PARD3B: variants seen among roughly 807,000 people sequenced by gnomAD.
The protein encoded by PARD3B is par-3 family cell polarity regulator beta, also known as partitioning defective 3 homolog B.
Under a neutral mutation model 130.2 loss-of-function variants are expected in PARD3B, and 103 were observed. That is an observed-to-expected ratio of 0.79 (90% CI 0.67 to 0.93). The LOEUF (loss-of-function observed/expected upper bound fraction) is 0.93. PARD3B is among the 40% of genes least tolerant of loss of function. PARD3B has a pLI of 0.00. For missense variants in PARD3B, 1,609 were observed against 1,499.2 expected, an observed-to-expected ratio of 1.07 and a Z score of -1.21; for synonymous variants, 583 against 553.2, an observed-to-expected ratio of 1.05 and a Z score of -0.76.
intron 21 of PARD3B, among the ~76,000 whole-genome samples, chr2:205,535,607 C>T (rs1371990920): frequency 2.0e-5 from 3 of 152,114 alleles, no homozygotes; most frequent in African/African-American, 7.2e-5. Flanking sequence ...CTTTAAATCA[C>T]AGTATTTAAA....
At chr2:204,709,420 T>C (rs998483092) in intron 2 of PARD3B, among the ~76,000 whole-genome samples, 7 of 152,250 alleles carry the variant, frequency 4.6e-5, no homozygotes, top group Non-Finnish European at 8.8e-5. Context: ...CAGAATTAAA[T>C]TAACTCATGT....
chr2:205,050,922 C>A (rs1446271537), intron 4 of PARD3B, among the ~76,000 whole-genome samples: 3 of 152,040 alleles, frequency 2.0e-5, no homozygotes, highest in Non-Finnish European at 4.4e-5. Context: ...TGGTTAGTGC[C>A]CGTTGTTCTG....
At position 205,254,113 on chromosome 2, in the gene PARD3B, A is replaced by G. The variant is rs914679646; in HGVS notation, c.2185+8291A>G. ...TAAAAAAAAAAAAAAAAAAAAAAAAAGCTGAGATGCTCTGATTCTAGTGAC... is the reference window on the plus strand; with the variant it reads ...TAAAAAAAAAAAAAAAAAAAAAAAAGGCTGAGATGCTCTGATTCTAGTGAC... On this transcript the variant is annotated intron_variant, in intron 16 of 22. Transcript: ENST00000406610. Among the ~76,000 whole-genome samples the G allele has an allele frequency of 3.3e-3, 475 of 144,842 alleles. 6 individuals carry two copies. Among genetic ancestry groups the G allele is most frequent in the Non-Finnish European group, 4.9e-3 (327 of 66,516 alleles).
chr2:205,509,956 A>G (rs1325850451), intron 21 of PARD3B, among the ~76,000 whole-genome samples: 5 of 152,220 alleles, frequency 3.3e-5, no homozygotes, highest in African/African-American at 1.2e-4. Context: ...CTGCCCTGAT[A>G]AGATAGCTCT....
chr2:205,054,842 A>G (rs1286640563), intron 4 of PARD3B, among the ~76,000 whole-genome samples: 1 of 152,156 alleles, frequency 6.6e-6, no homozygotes, highest in African/African-American at 2.4e-5. Flanking sequence ...AGCAGTCTGC[A>G]AGCATGTATC....
chr2:205,527,873 T>G (rs1173179656), intron 21 of PARD3B, among the ~76,000 whole-genome samples: 2 of 152,204 alleles, frequency 1.3e-5, no homozygotes, highest in East Asian at 3.9e-4. Flanking sequence ...GGTCCAATTC[T>G]CTCTACTGTA....
chr2:205,392,898 C>A (rs571682283), intron 18 of PARD3B, among the ~76,000 whole-genome samples: 8 of 152,270 alleles, frequency 5.3e-5, no homozygotes, highest in African/African-American at 1.9e-4. Context: ...AAACACAAAT[C>A]TGTTTATTAT....
chr2:205,085,668 G>A (rs1019524809), intron 4 of PARD3B, among the ~76,000 whole-genome samples: 2 of 151,228 alleles, frequency 1.3e-5, no homozygotes, highest in African/African-American at 4.9e-5. Context: ...CACCTTCTTT[G>A]TACTTTTTAT....
chr2:204,698,056 A>G (rs1050658497), intron 2 of PARD3B, among the ~76,000 whole-genome samples: 11 of 152,104 alleles, frequency 7.2e-5, no homozygotes, highest in African/African-American at 2.4e-4. Flanking sequence ...TCTAAGGAAC[A>G]TGGCGTCAGA....
At chr2:204,998,485 A>AATATATGTATATATATGTGT in intron 3 of PARD3B, among the ~76,000 whole-genome samples, 1 of 70,784 alleles carries the variant, frequency 1.4e-5, no homozygotes, top group African/African-American at 6.2e-5. Context: ...ATGTGTATAT[A>AATATATGTATATATATGTGT]ATATATGTAT....
chr2:205,373,037 A>C (rs904687966), intron 18 of PARD3B, among the ~76,000 whole-genome samples: 1 of 152,184 alleles, frequency 6.6e-6, no homozygotes, highest in Non-Finnish European at 1.5e-5. Context: ...CAAAAACTAA[A>C]CTTTTAGTAT....
rs144212702 is a variant in PARD3B at position 205,357,381 on chromosome 2, G to A, written c.2631-43632G>A. ...AACTTCCTGAGTTGAATTATATTTG[G>A]AAGACAAAAATAATTTCTGTCTGGC... is the stretch of plus-strand genomic sequence containing the variant. On this transcript the variant is annotated intron_variant, in intron 18 of 22. Coordinates refer to ENST00000406610, the MANE Select transcript of PARD3B (RefSeq NM_001302769.2). Among the ~76,000 whole-genome samples the A allele has an allele frequency of 6.6e-4, 100 of 152,246 alleles. No homozygotes were observed. In the East Asian group the frequency reaches 0.018, roughly 27 times the overall value.
intron 2 of PARD3B, among the ~76,000 whole-genome samples, chr2:204,939,402 G>A (rs889259489): frequency 3.3e-5 from 5 of 152,172 alleles, no homozygotes; most frequent in Non-Finnish European, 7.3e-5. Flanking sequence ...TCCTTTAGAG[G>A]AATTGTTGTG....
intron 2 of PARD3B, among the ~76,000 whole-genome samples, chr2:204,897,991 T>C (rs1381968381): frequency 6.6e-6 from 1 of 151,992 alleles, no homozygotes; most frequent in Non-Finnish European, 1.5e-5. Flanking sequence ...ACTGACCAGT[T>C]TGGAATAATG....
At position 204,771,657 on chromosome 2, in the gene PARD3B, CT is replaced by C. The variant is rs918314330; in HGVS notation, c.222+85376del. ...TATAACAAACCTGCACATATACCCC[CT>C]GAATCTAAAATAAAAATTAAAATTA... On this transcript the variant is annotated intron_variant, in intron 2 of 22. Coordinates refer to ENST00000406610, the MANE Select transcript of PARD3B (RefSeq NM_001302769.2). Among the ~76,000 whole-genome samples, 80 of 152,148 alleles carry C rather than the reference CT, an allele frequency of 5.3e-4. 1 individual carries two copies. Among genetic ancestry groups the C allele is most frequent in the African/African-American group, 1.9e-3 (80 of 41,526 alleles).
At chr2:204,694,454 T>C (rs2037514870) in intron 2 of PARD3B, among the ~76,000 whole-genome samples, 1 of 152,062 alleles carries the variant, frequency 6.6e-6, no homozygotes, top group Non-Finnish European at 1.5e-5. Context: ...TTTAAAATAT[T>C]TTTTAGCCCA....
At chr2:205,166,439 G>A (rs2034824605) in intron 11 of PARD3B, among the ~76,000 whole-genome samples, 1 of 152,164 alleles carries the variant, frequency 6.6e-6, no homozygotes, top group African/African-American at 2.4e-5. Flanking sequence ...AGTACAGTCT[G>A]TTGTGCCTGG....
intron 20 of PARD3B, among the ~76,000 whole-genome samples, chr2:205,451,748 A>G (rs2048111816): frequency 6.6e-6 from 1 of 151,752 alleles, no homozygotes; most frequent in Admixed American, 6.6e-5. Flanking sequence ...ATACAGGCAT[A>G]CAATGCATAA....
chr2:205,052,638 G>A (rs1263579180), intron 4 of PARD3B, among the ~76,000 whole-genome samples: 1 of 151,436 alleles, frequency 6.6e-6, no homozygotes, highest in African/African-American at 2.4e-5. Context: ...CTGTTTGGGG[G>A]TTAGATTAAA....
Sources: allele counts gnomAD v4.1 joint callset (sites outside exome capture counted in the v4.1 genomes callset), GRCh38; gene constraint gnomAD v4.1.1; transcripts MANE v1.5; gene names NCBI Gene and HGNC (gene_info 2026-07-23, HGNC 2026-07-21).